The following EYA1 variants were observed in gnomAD, a reference collection of about 807,000 sequenced individuals.
EYA1 encodes the protein protein phosphatase EYA1.
EYA1 carries 16 observed loss-of-function variants against 82.0 expected under a neutral mutation model. The ratio of observed to expected loss-of-function variants is 0.20; its 90% CI spans 0.13 to 0.30. EYA1 has a LOEUF of 0.30. Ranked by LOEUF, EYA1 falls within the 10% of genes least tolerant of loss-of-function variation. The pLI, the probability that EYA1 is intolerant of heterozygous loss-of-function variation, is 1.00. For missense variants in EYA1, 633 were observed against 730.7 expected (o/e 0.87, Z 1.54); for synonymous variants, 261 against 264.4 (o/e 0.99, Z 0.12).
At chr8:71,473,193 T>C (rs1586786670) in intron 2 of EYA1, among the ~76,000 whole-genome samples, 2 of 151,862 alleles carry the variant, frequency 1.3e-5, no homozygotes, top group Admixed American at 6.6e-5. Flanking sequence ...AAAGCCAAAA[T>C]TGACAAATGG....
At position 71,536,834 on chromosome 8, in the gene EYA1, T is replaced by C. The variant is rs563411607; in HGVS notation, c.-72-986A>G. On this transcript the variant is annotated intron_variant, in intron 1 of 18. Transcript: ENST00000643681. ...ATTAGGAAAGCTACTATAGTGGAAGTCAAGAGATTTCAATTCAGGTTCTGA... is the reference window on the plus strand; with the variant it reads ...ATTAGGAAAGCTACTATAGTGGAAGCCAAGAGATTTCAATTCAGGTTCTGA... 2.8e-4 allele frequency among the ~76,000 whole-genome samples: 42 copies of C among 152,318 alleles called. No homozygotes were observed. In the Middle Eastern group the frequency reaches 0.01, roughly 37 times the overall value.
intron 2 of EYA1, among the ~76,000 whole-genome samples, chr8:71,444,865 A>C (rs966072026): frequency 6.6e-6 from 1 of 152,258 alleles, no homozygotes; most frequent in Non-Finnish European, 1.5e-5. Context: ...ATATTCCTCA[A>C]GATGGCCATT....
intron 2 of EYA1, among the ~76,000 whole-genome samples, chr8:71,437,419 C>T (rs565260756): frequency 2.5e-4 from 38 of 151,996 alleles, no homozygotes; most frequent in African/African-American, 9.2e-4. Flanking sequence ...CAAAGATCAG[C>T]CTCTATGCCT....
intron 2 of EYA1, among the ~76,000 whole-genome samples, chr8:71,436,183 G>T (rs1025872689): frequency 1.4e-4 from 22 of 151,966 alleles, no homozygotes; most frequent in African/African-American, 5.1e-4. Context: ...GTACATAAAA[G>T]TCACCTATAA....
chr8:71,461,105 A>T (rs1032747304), intron 2 of EYA1, among the ~76,000 whole-genome samples: 1 of 151,986 alleles, frequency 6.6e-6, no homozygotes, highest in Non-Finnish European at 1.5e-5. Flanking sequence ...TTTTTATGTA[A>T]TTTCATGTAA....
intron 16 of EYA1, among the ~76,000 whole-genome samples, chr8:71,213,819 A>G (rs1050297992): frequency 7.2e-5 from 11 of 152,316 alleles, no homozygotes; most frequent in Non-Finnish European, 1.6e-4. Flanking sequence ...ACGTGCCTAA[A>G]AGAAATCTTG....
chr8:71,463,762 CCA>C (rs1424296930), intron 2 of EYA1, among the ~76,000 whole-genome samples: 3 of 151,780 alleles, frequency 2.0e-5, no homozygotes, highest in African/African-American at 7.3e-5. Flanking sequence ...TACCGGTCTG[CCA>C]CAGTTGTCAC....
intron 2 of EYA1, among the ~76,000 whole-genome samples, chr8:71,465,910 T>C (rs112645453): frequency 0.065 from 9,912 of 152,160 alleles, 1,097 homozygotes; most frequent in African/African-American, 0.22. Context: ...TTACCTATAG[T>C]TTCCAAGGTG....
intron 7 of EYA1, among the ~76,000 whole-genome samples, chr8:71,300,473 A>C (rs967400323): frequency 6.6e-6 from 1 of 152,146 alleles, no homozygotes; most frequent in Admixed American, 6.5e-5. Context: ...TTTTTTAAGA[A>C]GGTAAGATCA....
chr8:71,492,076 G>A (rs1173391615), intron 2 of EYA1, among the ~76,000 whole-genome samples: 1 of 152,130 alleles, frequency 6.6e-6, no homozygotes, highest in African/African-American at 2.4e-5. Flanking sequence ...ATGGGTCTCA[G>A]GTTAGGTGTC....
intron 9 of EYA1, among the ~76,000 whole-genome samples, chr8:71,288,173 C>G (rs1459221292): frequency 4.6e-5 from 7 of 152,140 alleles, no homozygotes; most frequent in Non-Finnish European, 1.0e-4. Flanking sequence ...CCAGGTATGA[C>G]TGGGAAACAT....
intron 2 of EYA1, among the ~76,000 whole-genome samples, chr8:71,498,255 T>C (rs1029034980): frequency 3.9e-5 from 6 of 152,248 alleles, no homozygotes; most frequent in African/African-American, 1.4e-4. Context: ...GTTAATTAGC[T>C]GGAGTTCCTC....
At chr8:71,443,248 A>G (rs1043699630) in intron 2 of EYA1, among the ~76,000 whole-genome samples, 1 of 152,182 alleles carries the variant, frequency 6.6e-6, no homozygotes, top group Non-Finnish European at 1.5e-5. Flanking sequence ...CTGGAAAAAA[A>G]TCTATGGCAG....
chr8:71,356,834 AGCTTGGAAAAGGT>A (rs772062481), intron 1 of EYA1: 5 of 808,638 alleles, frequency 6.2e-6, no homozygotes, highest in Non-Finnish European at 6.2e-6. Context: ...TTGCCCAGGC[AGCTTGGAAAAGGT>A]GCTTGGAAAA....
At chr8:71,322,573 G>A in intron 4 of EYA1, 1 of 382,442 alleles carries the variant, frequency 2.6e-6, no homozygotes, top group Middle Eastern at 8.3e-4. Flanking sequence ...TACTTAAAGA[G>A]TACAAGGAGT....
chr8:71,232,164 T>C (rs1811274147), intron 12 of EYA1, among the ~76,000 whole-genome samples: 1 of 152,218 alleles, frequency 6.6e-6, no homozygotes, highest in South Asian at 2.1e-4. Context: ...ATGTGTAAAC[T>C]GCAGATAATA....
intron 7 of EYA1, among the ~76,000 whole-genome samples, chr8:71,308,298 C>A (rs1413503538): frequency 6.6e-6 from 1 of 152,128 alleles, no homozygotes; most frequent in Non-Finnish European, 1.5e-5. Flanking sequence ...ATCAAAGGAT[C>A]CCATTTTTAA....
At chr8:71,318,264 ATATCTAGGTCC>A in intron 6 of EYA1, among the ~76,000 whole-genome samples, 1 of 152,286 alleles carries the variant, frequency 6.6e-6, no homozygotes. Flanking sequence ...CTTTTCCTGA[ATATCTAGGTCC>A]TATCAGAAAA....
chr8:71,504,103 A>G (rs1008413237), intron 2 of EYA1, among the ~76,000 whole-genome samples: 1 of 152,194 alleles, frequency 6.6e-6, no homozygotes, highest in African/African-American at 2.4e-5. Flanking sequence ...GTGTTCATGC[A>G]TTTGCTTCAC....
Sources: allele counts gnomAD v4.1 joint callset (sites outside exome capture counted in the v4.1 genomes callset), GRCh38; gene constraint gnomAD v4.1.1; transcripts MANE v1.5; gene names NCBI Gene and HGNC (gene_info 2026-07-23, HGNC 2026-07-21).